The following CDK5RAP2 variants were observed in gnomAD, a reference collection of about 807,000 sequenced individuals.
CDK5RAP2 encodes the protein CDK5 regulatory subunit associated protein 2, also known as CDK5 regulatory subunit-associated protein 2.
A neutral mutation model predicts 232.9 loss-of-function variants in CDK5RAP2; 147 were observed. The ratio of observed to expected loss-of-function variants is 0.63; its 90% CI spans 0.55 to 0.72. The LOEUF (loss-of-function observed/expected upper bound fraction) is 0.72, where lower values mean the gene tolerates loss of function less well. Ranked by LOEUF, CDK5RAP2 falls within the 30% of genes least tolerant of loss-of-function variation. The probability of loss-of-function intolerance (pLI) is 0.00; values close to 1 mark genes in which losing one functional copy is unlikely to be tolerated. For synonymous variants in CDK5RAP2, 833 were observed against 833.7 expected (o/e 1.00, Z 0.01); for missense variants, 2,195 against 2,231.5 (o/e 0.98, Z 0.33).
intron 36 of CDK5RAP2, among the ~76,000 whole-genome samples, chr9:120,394,143 C>T (rs942341861): frequency 1.3e-5 from 2 of 152,178 alleles, no homozygotes. Flanking sequence ...CTCCATGTGA[C>T]GACGTCTGCT....
chr9:120,457,794 T>A (rs377232482), intron 20 of CDK5RAP2, among the ~76,000 whole-genome samples: 23 of 152,296 alleles, frequency 1.5e-4, no homozygotes, highest in African/African-American at 5.5e-4. Context: ...TTAAACGTTT[T>A]TTTCTTATTC....
At chr9:120,472,379 A>C (rs1267380227) in intron 15 of CDK5RAP2, among the ~76,000 whole-genome samples, 2 of 152,184 alleles carry the variant, frequency 1.3e-5, no homozygotes, top group Non-Finnish European at 2.9e-5. Context: ...TGTTCTGAAC[A>C]ATGCCCCAAG....
chr9:120,560,754 TTACA>T (rs754183919), intron 3 of CDK5RAP2, among the ~76,000 whole-genome samples: 1 of 151,966 alleles, frequency 6.6e-6, no homozygotes, highest in Non-Finnish European at 1.5e-5. Flanking sequence ...GTAGCTGGGA[TTACA>T]GGCACATGCC....
intron 36 of CDK5RAP2, among the ~76,000 whole-genome samples, chr9:120,392,356 G>T (rs1040079947): frequency 1.3e-5 from 2 of 152,194 alleles, no homozygotes; most frequent in African/African-American, 4.8e-5. Context: ...GGTCACATAG[G>T]AGAATGGAGA....
intron 1 of CDK5RAP2, among the ~76,000 whole-genome samples, chr9:120,578,840 T>C (rs1405553338): frequency 6.6e-6 from 1 of 152,222 alleles, no homozygotes; most frequent in Non-Finnish European, 1.5e-5. Flanking sequence ...GGGCTAGGAT[T>C]ACACAGGTGA....
At chr9:120,518,712 TGGGCTCTTTTTCGCCGTGG>T in intron 11 of CDK5RAP2, 67 bp from the exon 12 acceptor site, 2 of 1,316,784 alleles carry the variant, frequency 1.5e-6, no homozygotes, top group East Asian at 4.6e-5. Context: ...CCAAGAAACC[TGGGCTCTTTTTCGCCGTGG>T]GGGAAAAAAA....
intron 4 of CDK5RAP2, 86 bp downstream of exon 4, chr9:120,550,700 ACTAACT>A (rs1362313726): frequency 1.7e-5 from 14 of 819,874 alleles, no homozygotes; most frequent in African/African-American, 6.7e-5. Context: ...CTCTATTCAT[ACTAACT>A]CTAAGAACAA....
At chr9:120,438,415 C>A (rs1386694798) in intron 24 of CDK5RAP2, among the ~76,000 whole-genome samples, 1 of 152,082 alleles carries the variant, frequency 6.6e-6, no homozygotes, top group South Asian at 2.1e-4. Context: ...TTACATGATA[C>A]CAGCATTAAA....
intron 8 of CDK5RAP2, among the ~76,000 whole-genome samples, chr9:120,529,060 G>A (rs546527620): frequency 2.2e-4 from 34 of 152,282 alleles, no homozygotes; most frequent in African/African-American, 7.9e-4. Flanking sequence ...ACAAGACAAA[G>A]GCCTACTAGA....
intron 13 of CDK5RAP2, among the ~76,000 whole-genome samples, chr9:120,488,758 A>C (rs910603159): frequency 6.6e-6 from 1 of 152,254 alleles, no homozygotes; most frequent in Non-Finnish European, 1.5e-5. Context: ...ACTGCTCATA[A>C]CTTAGCCATA....
At chr9:120,474,797 T>C (rs1238845569) in intron 15 of CDK5RAP2, among the ~76,000 whole-genome samples, 1 of 152,162 alleles carries the variant, frequency 6.6e-6, no homozygotes, top group Non-Finnish European at 1.5e-5. Context: ...CCCTTTCCAG[T>C]TTTAATCACA....
chr9:120,413,493 G>A (rs1372148713), intron 28 of CDK5RAP2, among the ~76,000 whole-genome samples: 2 of 152,234 alleles, frequency 1.3e-5, no homozygotes, highest in African/African-American at 4.8e-5. Flanking sequence ...ACAACATGGT[G>A]AGAACAGCAC....
chr9:120,525,685 C>T (rs1044880008), intron 10 of CDK5RAP2, among the ~76,000 whole-genome samples: 1 of 152,026 alleles, frequency 6.6e-6, no homozygotes, highest in Non-Finnish European at 1.5e-5. Flanking sequence ...TGGCTGATAA[C>T]AGCTCACTGC....
At chr9:120,408,587 A>G in intron 30 of CDK5RAP2, 119 bp from the exon 31 acceptor site, 1 of 1,094,826 alleles carries the variant, frequency 9.1e-7, no homozygotes, top group South Asian at 1.3e-5. Context: ...CCAAGAAGTG[A>G]CAAGCATGGT....
chr9:120,389,411 G>T, intron 37 of CDK5RAP2, 119 bp from the exon 38 acceptor site: 1 of 802,904 alleles, frequency 1.2e-6, no homozygotes, highest in Non-Finnish European at 2.1e-6. Flanking sequence ...AACATAGTTT[G>T]GTCAGTAAAT....
At chr9:120,468,799 A>G (rs2037529075) in intron 17 of CDK5RAP2, among the ~76,000 whole-genome samples, 1 of 152,224 alleles carries the variant, frequency 6.6e-6, no homozygotes, top group South Asian at 2.1e-4. Flanking sequence ...AGCAGACACC[A>G]CCTTGGTTTC....
intron 36 of CDK5RAP2, among the ~76,000 whole-genome samples, chr9:120,390,578 T>C (rs2031852125): frequency 6.6e-6 from 1 of 152,354 alleles, no homozygotes; most frequent in South Asian, 2.1e-4. Context: ...CTTCAGGCTT[T>C]TTCTTGTCCA....
intron 9 of CDK5RAP2, 62 bp downstream of exon 9, chr9:120,528,682 T>C (rs1267309695): frequency 9.5e-7 from 1 of 1,050,158 alleles, no homozygotes; most frequent in Non-Finnish European, 1.5e-6. Flanking sequence ...GCACTCAGAA[T>C]AAAACAAGAG....
chr9:120,408,050 C>G, intron 31 of CDK5RAP2: 1 of 429,132 alleles, frequency 2.3e-6, no homozygotes, highest in East Asian at 5.1e-5. Context: ...ACATGTTTTA[C>G]AGAGATAGGT....
Sources: allele counts gnomAD v4.1 joint callset (sites outside exome capture counted in the v4.1 genomes callset), GRCh38; gene constraint gnomAD v4.1.1; transcripts MANE v1.5; gene names NCBI Gene and HGNC (gene_info 2026-07-23, HGNC 2026-07-21).